PCSK6: variants seen among roughly 807,000 people sequenced by gnomAD.
PCSK6 encodes paired basic amino acid cleaving enzyme 4.
PCSK6 carries 85 observed loss-of-function variants against 123.3 expected under a neutral mutation model. The ratio of observed to expected loss-of-function variants is 0.69; its 90% confidence interval spans 0.58 to 0.83. The LOEUF is 0.83. Among genes scored for constraint, PCSK6 ranks in the 40% least tolerant of loss-of-function variants. The pLI is 0.00. For missense variants in PCSK6, 1,191 were observed against 1,282.3 expected (o/e 0.93, Z 1.09); for synonymous variants, 508 against 516.0 (o/e 0.98, Z 0.21).
At chr15:101,365,731 G>A (rs1293383118) in intron 13 of PCSK6, 3 of 153,936 alleles carry the variant, frequency 1.9e-5, no homozygotes, top group Admixed American at 1.3e-4. Flanking sequence ...AGCCATACGA[G>A]TAATGACGTT....
intron 2 of PCSK6, among the ~76,000 whole-genome samples, chr15:101,435,056 G>A (rs2056558086): frequency 6.6e-6 from 1 of 152,148 alleles, no homozygotes; most frequent in Non-Finnish European, 1.5e-5. Context: ...GAACATACCT[G>A]GTTCCCGGCC....
chr15:101,390,726 C>T lies in PCSK6; in HGVS notation c.1210-1162G>A, dbSNP rs188280236. Among the ~76,000 whole-genome samples, 436 of 152,276 alleles carry T rather than the reference C, an allele frequency of 2.9e-3. 3 individuals are homozygous for T. The highest frequency in any genetic ancestry group is 0.01 in the African/African-American group (416 of 41,544). Reference sequence around the variant, plus strand: ...GAGTGGGCAAGGAAACAGATTCTCCCGGGAGCCTCCGGAAGGAACCACGGC... The same window carrying T: ...GAGTGGGCAAGGAAACAGATTCTCCTGGGAGCCTCCGGAAGGAACCACGGC... On this transcript the variant is annotated intron_variant, in intron 8 of 21. Transcript: ENST00000611716.
intron 13 of PCSK6, among the ~76,000 whole-genome samples, chr15:101,361,218 C>A (rs2041213592): frequency 6.9e-6 from 1 of 145,118 alleles, no homozygotes; most frequent in Non-Finnish European, 1.5e-5. Context: ...TTATTTCCCT[C>A]TAGTGATCTG....
At chr15:101,379,328 C>A (rs1286102690) in intron 11 of PCSK6, among the ~76,000 whole-genome samples, 4 of 152,204 alleles carry the variant, frequency 2.6e-5, no homozygotes, top group East Asian at 3.9e-4. Flanking sequence ...CCCTCAGGAC[C>A]ATGTGTGACG....
chr15:101,462,105 T>C (rs1244943024), intron 1 of PCSK6, among the ~76,000 whole-genome samples: 2 of 152,096 alleles, frequency 1.3e-5, no homozygotes, highest in African/African-American at 4.8e-5. Flanking sequence ...ACATAAAAAA[T>C]AGACAAATTA....
intron 13 of PCSK6, among the ~76,000 whole-genome samples, chr15:101,365,402 A>C (rs1177537349): frequency 6.6e-6 from 1 of 152,218 alleles, no homozygotes; most frequent in Admixed American, 6.5e-5. Context: ...AAAAGCAGAG[A>C]ATATTAAGTG....
chr15:101,479,615 G>C (rs1303034446), intron 1 of PCSK6, among the ~76,000 whole-genome samples: 6 of 152,194 alleles, frequency 3.9e-5, no homozygotes, highest in Non-Finnish European at 7.4e-5. Flanking sequence ...AATCCAGAGA[G>C]ACATCTGGTT....
chr15:101,463,466 A>C (rs2057384389), intron 1 of PCSK6, among the ~76,000 whole-genome samples: 1 of 151,774 alleles, frequency 6.6e-6, no homozygotes, highest in African/African-American at 2.4e-5. Context: ...GTTTCTCTGA[A>C]CTCCGCCCAT....
At chr15:101,384,742 A>G (rs112117314) in intron 9 of PCSK6, among the ~76,000 whole-genome samples, 1,636 of 152,338 alleles carry the variant, frequency 0.011, 25 homozygotes, top group African/African-American at 0.037. Flanking sequence ...GACACTTAAC[A>G]TAATAGTAAA....
At chr15:101,313,011 A>G in intron 20 of PCSK6, 1 of 1,172,514 alleles carries the variant, frequency 8.5e-7, no homozygotes. Context: ...TCTCCAAAAA[A>G]ATTTTTTTTT....
intron 13 of PCSK6, among the ~76,000 whole-genome samples, chr15:101,350,965 T>C (rs1353849582): frequency 2.0e-5 from 3 of 152,240 alleles, no homozygotes; most frequent in Non-Finnish European, 4.4e-5. Context: ...AAGCTTACAA[T>C]TGAATAAATT....
intron 5 of PCSK6, 100 bp downstream of exon 5, chr15:101,429,887 G>C: frequency 9.7e-7 from 1 of 1,029,594 alleles, no homozygotes; most frequent in Non-Finnish European, 1.5e-6. Context: ...GGGAAGATAC[G>C]CCGGCAGCCA....
At position 101,442,402 on chromosome 15, in the gene PCSK6, G is replaced by C. The variant is rs1294001955; in HGVS notation, c.402+1154C>G. ...GACAAGTCTGTCTTTTCACAGCCCA[G>C]GTCCATGGGTGAGCTCCATGGGGAC... On this transcript the variant is annotated intron_variant, in intron 2 of 21. Coordinates refer to ENST00000611716, the MANE Select transcript of PCSK6 (RefSeq NM_002570.5). 1.3e-5 allele frequency among the ~76,000 whole-genome samples: 2 copies of C among 152,046 alleles called. 1 individual carries two copies. Among genetic ancestry groups the C allele is most frequent in the Middle Eastern group, 6.3e-3 (2 of 316 alleles).
intron 6 of PCSK6, among the ~76,000 whole-genome samples, chr15:101,403,287 G>A (rs1237540603): frequency 1.9e-5 from 2 of 106,338 alleles, no homozygotes; most frequent in African/African-American, 3.6e-5. Context: ...GGGGGGAGGG[G>A]GGAGGGATAG....
chr15:101,479,507 C>T (rs768820219), intron 1 of PCSK6, among the ~76,000 whole-genome samples: 2 of 152,154 alleles, frequency 1.3e-5, no homozygotes, highest in Non-Finnish European at 1.5e-5. Flanking sequence ...TGAGCAGGCC[C>T]GGCCTCGGCT....
chr15:101,393,461 C>A (rs1334534001), intron 7 of PCSK6, 37 bp from the exon 8 acceptor site: 2 of 1,552,550 alleles, frequency 1.3e-6, no homozygotes, highest in Admixed American at 1.8e-5. Flanking sequence ...AGCCCCGCAG[C>A]AGAACCTCGT....
chr15:101,312,369 G>A (rs1354484715), intron 20 of PCSK6: 1 of 152,510 alleles, frequency 6.6e-6, no homozygotes, highest in East Asian at 1.9e-4. Context: ...CAACAGAAGG[G>A]TCCAGGGCCA....
intron 11 of PCSK6, among the ~76,000 whole-genome samples, chr15:101,378,718 ACTT>A (rs973122880): frequency 7.9e-5 from 12 of 152,092 alleles, no homozygotes; most frequent in East Asian, 1.9e-4. Flanking sequence ...CCTTCCAGGG[ACTT>A]CTTCTTATCT....
At chr15:101,401,690 T>C (rs967294498) in intron 6 of PCSK6, among the ~76,000 whole-genome samples, 1 of 152,206 alleles carries the variant, frequency 6.6e-6, no homozygotes, top group African/African-American at 2.4e-5. Flanking sequence ...TAGAGGGATG[T>C]CAAACAAATG....
Sources: allele counts gnomAD v4.1 joint callset (sites outside exome capture counted in the v4.1 genomes callset), GRCh38; gene constraint gnomAD v4.1.1; transcripts MANE v1.5; gene names NCBI Gene and HGNC (gene_info 2026-07-23, HGNC 2026-07-21).